The following PCMT1 variants were observed in gnomAD, a reference collection of about 807,000 sequenced individuals.
The protein encoded by PCMT1 is protein-L-isoaspartate (D-aspartate) O-methyltransferase, also known as protein-L-isoaspartate(D-aspartate) O-methyltransferase.
Under a neutral mutation model 29.2 loss-of-function variants are expected in PCMT1, and 9 were observed. The observed-to-expected ratio is 0.31, with a 90% CI of 0.19 to 0.54. The LOEUF is 0.54. Ranked by LOEUF, PCMT1 falls within the 20% of genes least tolerant of loss-of-function variation. The pLI is 0.95. For synonymous variants in PCMT1, 98 were observed against 97.5 expected (o/e 1.00, Z -0.03); for missense variants, 184 against 282.2 (o/e 0.65, Z 2.49).
In PCMT1 at chr6:149,796,500, G is replaced by T. The variant is rs374521251; in HGVS notation, c.504G>T (p.Ala168=). 6.2e-7 allele frequency: 1 copy of T among 1,608,736 alleles called. No individual in the cohort carries two copies. The highest frequency in any genetic ancestry group is 1.1e-5 in the South Asian group (1 of 90,276). ...CTGCAGCCCCTGTTGTACCCCAGGC[G>T]GTGAGTCGGGATTTTTTCTGTTTGT... ...VGAAAPVVPQ[A]LIDQLKPGGR... Residue 168 remains alanine, a splice_region_variant and synonymous_variant, in exon 6 of 8, where the codon GCG becomes GCT. Coordinates refer to ENST00000464889, the MANE Select transcript of PCMT1 (RefSeq NM_001360452.2).
At chr6:149,797,120 A>T (rs1017568051) in intron 6 of PCMT1, 1 of 152,050 alleles carries the variant, frequency 6.6e-6, no homozygotes, top group African/African-American at 2.4e-5. Context: ...GGCCAGTTTG[A>T]TGTTTTTTAA....
chr6:149,778,410 G>C (rs904276872), intron 3 of PCMT1, among the ~76,000 whole-genome samples: 1 of 151,226 alleles, frequency 6.6e-6, no homozygotes, highest in Non-Finnish European at 1.5e-5. Context: ...TGTATTTTTA[G>C]TAGAGATGGG....
At chr6:149,785,452 C>T (rs1222986709) in intron 3 of PCMT1, among the ~76,000 whole-genome samples, 3 of 145,922 alleles carry the variant, frequency 2.1e-5, no homozygotes, top group Non-Finnish European at 4.5e-5. Context: ...GTGTTTCTCG[C>T]AGAGGGGGAT....
intron 1 of PCMT1, among the ~76,000 whole-genome samples, chr6:149,769,121 T>A (rs1037272152): frequency 1.3e-5 from 2 of 152,108 alleles, no homozygotes; most frequent in Non-Finnish European, 2.9e-5. Context: ...TTTAGTTTTC[T>A]TTTTACATTA....
rs144586141 is a variant in PCMT1 at position 149,789,312 on chromosome 6, G to C, written c.193-642G>C. Among the ~76,000 whole-genome samples, 1,202 of 151,942 alleles carry C rather than the reference G, an allele frequency of 7.9e-3. 5 individuals carry two copies. The highest frequency in any genetic ancestry group is 0.013 in the Non-Finnish European group (850 of 67,960). On this transcript the variant is annotated intron_variant, in intron 3 of 7. Transcript: ENST00000464889. ...AGACTGGTCTTGAACTCCTGACCTC[G>C]TGATCTACCTGCCTCAGCCTCCCAA...
chr6:149,785,625 C>T (rs374828880), intron 3 of PCMT1, among the ~76,000 whole-genome samples: 904 of 124,428 alleles, frequency 7.3e-3, no homozygotes, highest in Middle Eastern at 0.017. Flanking sequence ...GAGCACGCTG[C>T]CTTCAAGCAT....
chr6:149,765,315 G>T (rs1026160923), intron 1 of PCMT1, among the ~76,000 whole-genome samples: 1 of 131,630 alleles, frequency 7.6e-6, no homozygotes. Context: ...AGCCAAGATC[G>T]TGCCACTGCA....
At chr6:149,769,324 T>TTTTTTTTTG in intron 1 of PCMT1, among the ~76,000 whole-genome samples, 1 of 116,114 alleles carries the variant, frequency 8.6e-6, no homozygotes. Flanking sequence ...TTTTTTTTTT[T>TTTTTTTTTG]TTTTTTTTGA....
At chr6:149,774,645 C>A (rs572352483) in intron 3 of PCMT1, among the ~76,000 whole-genome samples, 1 of 149,624 alleles carries the variant, frequency 6.7e-6, no homozygotes, top group South Asian at 2.1e-4. Context: ...TCAAGTAATT[C>A]TCTTGCCTCA....
intron 1 of PCMT1, chr6:149,750,202 G>A: frequency 3.4e-6 from 2 of 580,862 alleles, no homozygotes; most frequent in Non-Finnish European, 6.0e-6. Context: ...GGGGGCAGGG[G>A]CAGTCGTCTC....
At position 149,789,957 on chromosome 6, in the gene PCMT1, G is replaced by A; in HGVS notation, c.196G>A (p.Ala66Thr). 6.3e-7 allele frequency: 1 copy of A among 1,593,310 alleles called. No individual in the cohort carries two copies. The highest frequency in any genetic ancestry group is 8.5e-7 in the Non-Finnish European group (1 of 1,170,778). Reference sequence around the variant, plus strand: ...ATATTTTGTTTTCTTTTGGCAGCATGCATATGCGCTAGAACTTCTATTTGA... The same window carrying A: ...ATATTTTGTTTTCTTTTGGCAGCATACATATGCGCTAGAACTTCTATTTGA... ...QATISAPHMH[A>T]YALELLFDQL... Residue 66 changes from alanine (A) to threonine (T), a missense_variant, in exon 4 of 8, where the codon GCA becomes ACA. By Grantham distance (58) the Ala-to-Thr change is moderately conservative. Transcript: ENST00000464889.
At position 149,771,200 on chromosome 6, in the gene PCMT1, A is replaced by G; in HGVS notation, c.94A>G (p.Met32Val). Reference sequence around the variant, plus strand: ...CAAGACAGATAAAGTATTTGAAGTGATGCTGGCTACAGACCGCTCCCACTA... The same window carrying G: ...CAAGACAGATAAAGTATTTGAAGTGGTGCTGGCTACAGACCGCTCCCACTA... ...IIKTDKVFEV[M>V]LATDRSHYAK... Residue 32 changes from methionine to valine, a missense_variant, in exon 2 of 8, where the codon ATG becomes GTG. Coordinates refer to ENST00000464889, the MANE Select transcript of PCMT1 (RefSeq NM_001360452.2). The G allele has an allele frequency of 6.2e-7, 1 of 1,613,056 alleles. No individual in the cohort carries two copies.
At chr6:149,787,841 GT>G (rs1788188691) in intron 3 of PCMT1, among the ~76,000 whole-genome samples, 8 of 151,886 alleles carry the variant, frequency 5.3e-5, no homozygotes, top group African/African-American at 1.9e-4. Flanking sequence ...GTGTGTGTGT[GT>G]GTATGTGTGT....
At chr6:149,795,311 G>C (rs1051336492) in intron 5 of PCMT1, 2 of 385,942 alleles carry the variant, frequency 5.2e-6, no homozygotes, top group African/African-American at 4.4e-5. Flanking sequence ...TCTCCAGATG[G>C]TTCCATTAGC....
At chr6:149,802,627 GT>G (rs35626867) in intron 7 of PCMT1, 476 of 466,558 alleles carry the variant, frequency 1.0e-3, no homozygotes, top group Middle Eastern at 1.4e-3. Context: ...TTGTTTGTTT[GT>G]TTTTTTTTTA....
At chr6:149,802,096 T>C in intron 6 of PCMT1, 104 bp from the exon 7 acceptor site, 1 of 757,408 alleles carries the variant, frequency 1.3e-6, no homozygotes. Context: ...GTCATTGCAC[T>C]CCAGCCTGGG....
At position 149,810,668 on chromosome 6, in the gene PCMT1, T is replaced by A; in HGVS notation, c.*90T>A. 6.7e-7 allele frequency: 1 copy of A among 1,501,328 alleles called. No homozygotes were observed. Among genetic ancestry groups the A allele is most frequent in the Non-Finnish European group, 9.1e-7 (1 of 1,102,926 alleles). The allele number at this position is 1,501,328 out of a possible 1,614,324, so 93.0% of individuals were successfully genotyped here. Reference sequence around the variant, plus strand: ...TGACCAGTATAAAATTACAGTGGATTGCTCATCTCAGTCCTCAAAGCTTTT... The same window carrying A: ...TGACCAGTATAAAATTACAGTGGATAGCTCATCTCAGTCCTCAAAGCTTTT... On this transcript the variant is annotated 3_prime_UTR_variant, in exon 8 of 8. Transcript: ENST00000464889.
chr6:149,767,970 T>C (rs922164558), intron 1 of PCMT1, among the ~76,000 whole-genome samples: 5 of 151,082 alleles, frequency 3.3e-5, no homozygotes, highest in African/African-American at 1.2e-4. Flanking sequence ...ATGTTTGTAT[T>C]TTTAGTAGAG....
At chr6:149,791,562 A>G (rs1788374539) in intron 4 of PCMT1, among the ~76,000 whole-genome samples, 1 of 152,208 alleles carries the variant, frequency 6.6e-6, no homozygotes, top group Non-Finnish European at 1.5e-5. Context: ...GTAACTTGCT[A>G]TAAATGTATA....
Sources: gnomAD v4.1 joint callset for allele counts (sites outside exome capture counted in the v4.1 genomes callset) on GRCh38, gnomAD v4.1.1 for gene constraint, MANE v1.5 for transcripts, NCBI Gene and HGNC (gene_info 2026-07-23, HGNC 2026-07-21) for gene names.